DOCK3: variants seen among roughly 807,000 people sequenced by gnomAD.
The protein encoded by DOCK3 is dedicator of cytokinesis 3.
A neutral mutation model predicts 265.6 loss-of-function variants in DOCK3; 60 were observed. That is an observed-to-expected ratio of 0.23 (90% CI 0.18 to 0.28). The LOEUF (loss-of-function observed/expected upper bound fraction) is 0.28, where lower values mean the gene tolerates loss of function less well. Ranked by LOEUF, DOCK3 falls within the 10% of genes least tolerant of loss-of-function variation. The pLI is 1.00. For missense variants in DOCK3, 1,981 were observed against 2,594.3 expected (o/e 0.76, Z 5.14); for synonymous variants, 881 against 938.0 (o/e 0.94, Z 1.11).
chr3:50,699,685 T>A (rs1417925302), intron 1 of DOCK3, among the ~76,000 whole-genome samples: 1 of 152,124 alleles, frequency 6.6e-6, no homozygotes, highest in Non-Finnish European at 1.5e-5. Context: ...TTACTATATC[T>A]GTCTTCTGCA....
At chr3:50,921,499 T>A (rs2050464719) in intron 4 of DOCK3, among the ~76,000 whole-genome samples, 1 of 152,238 alleles carries the variant, frequency 6.6e-6, no homozygotes, top group Admixed American at 6.5e-5. Context: ...TTGAACATCC[T>A]CCTTTAGCTC....
chr3:51,058,964 G>A (rs1246632977), intron 5 of DOCK3, among the ~76,000 whole-genome samples: 1 of 152,076 alleles, frequency 6.6e-6, no homozygotes, highest in African/African-American at 2.4e-5. Context: ...GGGTACATGT[G>A]TAGGTTTGTT....
rs898614386 is a variant in DOCK3 at position 51,208,807 on chromosome 3, C to G, written c.1071C>G (p.His357Gln). Residue 357 changes from histidine (H) to glutamine (Q), a missense_variant, in exon 13 of 53, where the codon CAC (histidine) becomes CAG (glutamine). By Grantham distance (24) the His-to-Gln change is conservative. Transcript: ENST00000266037. ...ACGAGAGTGAGTGGTCCCAGATCCA[C>G]GAGAACATCATCCGAAAGTCCAGTG... The part of the protein sequence containing the change: ...CNNESEWSQI[H>Q]ENIIRKSSAK... The G allele has an allele frequency of 1.9e-6, 3 of 1,611,890 alleles. No individual in the cohort carries two copies. The South Asian group carries it at 3.3e-5, about 18-fold the overall frequency.
intron 5 of DOCK3, among the ~76,000 whole-genome samples, chr3:51,040,054 ATC>A (rs2080421760): frequency 6.6e-6 from 1 of 151,984 alleles, no homozygotes; most frequent in South Asian, 2.1e-4. Context: ...GAAATTTGTA[ATC>A]TCTACTTTTC....
chr3:51,171,493 G>T (rs2086678516), intron 12 of DOCK3, among the ~76,000 whole-genome samples: 1 of 152,104 alleles, frequency 6.6e-6, no homozygotes, highest in Non-Finnish European at 1.5e-5. Context: ...AAGGCGGGCA[G>T]ATCACGAGGT....
Position 51,246,732 on chromosome 3 carries a change from C to T in DOCK3, c.2109C>T (p.Leu703=), listed in dbSNP as rs748350333. 5 of 1,612,962 alleles carry T rather than the reference C, an allele frequency of 3.1e-6. 1 individual carries two copies. The Middle Eastern group carries it at 5.0e-4, about 160-fold the overall frequency. ...HFAGALAYKE[L]IRCLKWYMDC... ...GAACTGTTCTCTTTCCCAGGGAGCT[C>T]ATCCGCTGTTTGAAGTGGTATATGG... is the stretch of plus-strand genomic sequence containing the variant. The change falls in exon 22 of 53, where the codon CTC becomes CTT. Residue 703 remains leucine (L), a synonymous_variant. Transcript: ENST00000266037.
intron 12 of DOCK3, among the ~76,000 whole-genome samples, chr3:51,189,974 T>G (rs1417144704): frequency 1.3e-5 from 2 of 152,088 alleles, no homozygotes; most frequent in African/African-American, 4.8e-5. Context: ...TCTGTAGTGG[T>G]GATGAGGGGG....
chr3:51,146,827 T>C (rs561843971), intron 10 of DOCK3, among the ~76,000 whole-genome samples, 197 bp downstream of exon 10: 63 of 152,358 alleles, frequency 4.1e-4, no homozygotes, highest in African/African-American at 1.4e-3. Context: ...TTAAACTTAA[T>C]TTTTATTAAT....
At chr3:51,267,512 C>G (rs1178715894) in intron 23 of DOCK3, among the ~76,000 whole-genome samples, 1 of 151,636 alleles carries the variant, frequency 6.6e-6, no homozygotes, top group Non-Finnish European at 1.5e-5. Context: ...AGCCTCCTGA[C>G]TAGCTGGGAT....
intron 5 of DOCK3, among the ~76,000 whole-genome samples, chr3:51,062,893 T>A (rs2081463157): frequency 6.6e-6 from 1 of 152,186 alleles, no homozygotes; most frequent in South Asian, 2.1e-4. Context: ...ATTTTCCAGA[T>A]GGTATAGTTT....
chr3:50,859,383 A>G (rs955650709), intron 3 of DOCK3, among the ~76,000 whole-genome samples: 1 of 151,492 alleles, frequency 6.6e-6, no homozygotes, highest in Non-Finnish European at 1.5e-5. Context: ...ATGCCCAGCT[A>G]ATTTTTGTAT....
chr3:50,886,073 C>T (rs990517384), intron 3 of DOCK3, among the ~76,000 whole-genome samples: 1 of 151,778 alleles, frequency 6.6e-6, no homozygotes, highest in Non-Finnish European at 1.5e-5. Context: ...TAGCCTGATA[C>T]ATATGGCAAA....
At position 50,823,373 on chromosome 3, in the gene DOCK3, C is replaced by T. The variant is rs550916619; in HGVS notation, c.122-18302C>T. 9.9e-5 allele frequency among the ~76,000 whole-genome samples: 15 copies of T among 152,282 alleles called. No individual in the cohort carries two copies. In the East Asian group the frequency reaches 1.7e-3, roughly 18 times the overall value. ...ATTAGGGAGTGGTGATGACTCTTAA[C>T]GAGCATGCTGTCTTCAAGCATCTGT... On this transcript the variant is annotated intron_variant, in intron 2 of 52. Coordinates refer to ENST00000266037, the MANE Select transcript of DOCK3 (RefSeq NM_004947.5).
intron 9 of DOCK3, among the ~76,000 whole-genome samples, chr3:51,117,722 C>A (rs1397555340): frequency 2.6e-5 from 4 of 152,148 alleles, no homozygotes; most frequent in African/African-American, 9.7e-5. Flanking sequence ...TTATCCATTT[C>A]TTCTAGGTTT....
At chr3:51,151,300 A>G (rs2085577408) in intron 10 of DOCK3, among the ~76,000 whole-genome samples, 1 of 152,152 alleles carries the variant, frequency 6.6e-6, no homozygotes, top group Admixed American at 6.5e-5. Flanking sequence ...TGGGGCATTT[A>G]GCCCATTTAC....
At chr3:51,072,263 A>G (rs576900998) in intron 6 of DOCK3, among the ~76,000 whole-genome samples, 4 of 152,196 alleles carry the variant, frequency 2.6e-5, no homozygotes, top group African/African-American at 4.8e-5. Context: ...GCTTGCCATG[A>G]TGCTAACTAA....
At chr3:51,303,084 A>T (rs1472790717) in intron 27 of DOCK3, among the ~76,000 whole-genome samples, 1 of 150,820 alleles carries the variant, frequency 6.6e-6, no homozygotes, top group East Asian at 1.9e-4. Flanking sequence ...GTCTTTTTAC[A>T]TATTCTCATA....
chr3:50,810,918 A>G (rs1038127948), intron 2 of DOCK3, among the ~76,000 whole-genome samples: 1 of 152,214 alleles, frequency 6.6e-6, no homozygotes, highest in African/African-American at 2.4e-5. Flanking sequence ...TACATTTGTC[A>G]AAGCTCATTG....
intron 7 of DOCK3, among the ~76,000 whole-genome samples, chr3:51,083,385 TA>T (rs2082309223): frequency 6.6e-6 from 1 of 151,884 alleles, no homozygotes; most frequent in South Asian, 2.1e-4. Flanking sequence ...ACAAGAAACA[TA>T]AAAAAGCAAA....
Sources: gnomAD v4.1 joint callset for allele counts (sites outside exome capture counted in the v4.1 genomes callset) on GRCh38, gnomAD v4.1.1 for gene constraint, MANE v1.5 for transcripts, NCBI Gene and HGNC (gene_info 2026-07-23, HGNC 2026-07-21) for gene names.